Variants in NTM observed in about 807,000 individuals in gnomAD.
NTM encodes the protein IgLON family member 2.
Under a neutral mutation model 42.1 loss-of-function variants are expected in NTM, and 13 were observed. The observed-to-expected ratio is 0.31, with a 90% CI of 0.20 to 0.49. The LOEUF (loss-of-function observed/expected upper bound fraction) is 0.49. NTM is among the 20% of genes least tolerant of loss of function. The pLI is 0.99. For missense variants in NTM, 373 were observed against 452.8 expected (o/e 0.82, Z 1.60); for synonymous variants, 187 against 179.2 (o/e 1.04, Z -0.35).
chr11:131,839,889 T>C lies in NTM; in HGVS notation c.83-71675T>C, dbSNP rs116080969. Among the ~76,000 whole-genome samples, 456 of 152,286 alleles carry C rather than the reference T, an allele frequency of 3.0e-3. 1 individual carries two copies. Among genetic ancestry groups the C allele is most frequent in the African/African-American group, 0.01 (431 of 41,534 alleles). The stretch of plus-strand genomic sequence containing the variant: ...TCAGTTTCTAGATGTATTTCCAAGG[T>C]AGAGAGACACATGACTTCCAAAAGT... On this transcript the variant is annotated intron_variant, in intron 1 of 8. Transcript: ENST00000683400.
At chr11:132,292,508 G>T (rs780229495) in intron 4 of NTM, among the ~76,000 whole-genome samples, 8 of 152,150 alleles carry the variant, frequency 5.3e-5, no homozygotes, top group Non-Finnish European at 1.0e-4. Flanking sequence ...GGAAGAGCAT[G>T]AAGAAGGGGA....
Position 132,146,146 on chromosome 11 carries a change from C to T in NTM, c.168-136C>T. 1 of 1,384,398 alleles carries T rather than the reference C, an allele frequency of 7.2e-7. No homozygotes were observed. Among genetic ancestry groups the T allele is most frequent in the East Asian group, 2.5e-5 (1 of 39,822 alleles). 85.8% of individuals were successfully genotyped at this position (1,384,398 alleles called of 1,614,324 possible). ...TGCTGTGTTCCAGAAAAGTCCACCC[C>T]TGACAAATCAAAGGAAATGTATGTG... On this transcript the variant is annotated intron_variant, in intron 2 of 8. Transcript: ENST00000683400. The surrounding 1 kb of genome is among the most constrained non-coding windows in gnomAD (Gnocchi z 4.5).
At chr11:131,954,957 A>T (rs1358775871) in intron 2 of NTM, among the ~76,000 whole-genome samples, 1 of 152,214 alleles carries the variant, frequency 6.6e-6, no homozygotes, top group South Asian at 2.1e-4. Context: ...AGTAATGCTC[A>T]GTGGTGAGAG....
chr11:131,666,421 A>C (rs1347269551), intron 1 of NTM, among the ~76,000 whole-genome samples: 2 of 152,194 alleles, frequency 1.3e-5, no homozygotes, highest in East Asian at 3.9e-4. Context: ...TTCACTGAGG[A>C]GGAGATCATT....
chr11:132,018,231 C>A (rs2135492718), intron 2 of NTM, among the ~76,000 whole-genome samples: 1 of 151,734 alleles, frequency 6.6e-6, no homozygotes, highest in East Asian at 1.9e-4. Flanking sequence ...TTCCTTTTGT[C>A]CCATATTGCA....
chr11:131,463,736 A>C (rs1347377129), intron 1 of NTM, among the ~76,000 whole-genome samples: 1 of 152,152 alleles, frequency 6.6e-6, no homozygotes, highest in Non-Finnish European at 1.5e-5. Flanking sequence ...TTCATTGCTG[A>C]AATAGTCCAT....
chr11:132,088,305 C>A (rs983515887), intron 2 of NTM, among the ~76,000 whole-genome samples: 1 of 152,088 alleles, frequency 6.6e-6, no homozygotes, highest in Admixed American at 6.6e-5. Flanking sequence ...TGAGAAAGCT[C>A]AGAAATGAAA....
chr11:131,444,203 CAAAAA>C (rs71475757), intron 1 of NTM, among the ~76,000 whole-genome samples: 580 of 49,552 alleles, frequency 0.012, 6 homozygotes, highest in African/African-American at 0.042. Flanking sequence ...AGGTTAGAAC[CAAAAA>C]AAAAAAAAAA....
chr11:131,765,727 C>T (rs1311650543), intron 1 of NTM, among the ~76,000 whole-genome samples: 3 of 152,212 alleles, frequency 2.0e-5, no homozygotes, highest in Non-Finnish European at 4.4e-5. Context: ...CCATCCACAG[C>T]TCAGCACCTG....
At chr11:131,383,029 T>C (rs1472680415) in intron 1 of NTM, among the ~76,000 whole-genome samples, 1 of 152,228 alleles carries the variant, frequency 6.6e-6, no homozygotes, top group Admixed American at 6.5e-5. Flanking sequence ...TGATCTTCTC[T>C]AAATGATCTT....
intron 1 of NTM, among the ~76,000 whole-genome samples, chr11:131,895,380 C>T (rs1287865116): frequency 2.6e-5 from 4 of 152,102 alleles, no homozygotes; most frequent in African/African-American, 7.2e-5. Context: ...TTTACAGCTT[C>T]GTTTTCTCAT....
At chr11:131,702,217 A>G (rs1250809626) in intron 1 of NTM, among the ~76,000 whole-genome samples, 3 of 152,168 alleles carry the variant, frequency 2.0e-5, no homozygotes, top group Non-Finnish European at 4.4e-5. Context: ...GGAACTCCTG[A>G]TCTATCAGGG....
intron 1 of NTM, among the ~76,000 whole-genome samples, chr11:131,405,430 CA>C (rs35188711): frequency 0.56 from 85,071 of 151,952 alleles, 25,190 homozygotes; most frequent in East Asian, 0.86. Flanking sequence ...ACTTATTGCC[CA>C]AACCAAAACC....
chr11:131,797,682 C>G (rs187406637), intron 1 of NTM, among the ~76,000 whole-genome samples: 2 of 152,204 alleles, frequency 1.3e-5, no homozygotes, highest in Non-Finnish European at 2.9e-5. Flanking sequence ...ACCAACGTAA[C>G]TCCCAGGTGT....
chr11:131,601,242 G>T (rs955659698), intron 1 of NTM, among the ~76,000 whole-genome samples: 5 of 152,178 alleles, frequency 3.3e-5, no homozygotes, highest in African/African-American at 4.8e-5. Context: ...TGGCAGCGAG[G>T]TCACCCCAGC....
At chr11:132,270,140 A>C (rs1194311042) in intron 4 of NTM, among the ~76,000 whole-genome samples, 2 of 152,144 alleles carry the variant, frequency 1.3e-5, no homozygotes, top group African/African-American at 4.8e-5. Context: ...CTTTAGAGTA[A>C]GGCTTCTTCA....
At chr11:131,915,180 CA>C (rs2056086797) in intron 2 of NTM, among the ~76,000 whole-genome samples, 1 of 152,200 alleles carries the variant, frequency 6.6e-6, no homozygotes, top group Non-Finnish European at 1.5e-5. Flanking sequence ...TACCTGAAAT[CA>C]CATAAGCAGC....
At chr11:131,388,425 T>G (rs1182083056) in intron 1 of NTM, among the ~76,000 whole-genome samples, 3 of 110,362 alleles carry the variant, frequency 2.7e-5, no homozygotes, top group Non-Finnish European at 5.7e-5. Context: ...GGGTTTTGGG[T>G]TTTTTTTTTT....
At chr11:131,577,452 C>T (rs1196186906) in intron 1 of NTM, among the ~76,000 whole-genome samples, 4 of 152,092 alleles carry the variant, frequency 2.6e-5, no homozygotes, top group Non-Finnish European at 4.4e-5. Context: ...AGTGAGTGTC[C>T]CAAGAACCAG....
Sources: gnomAD v4.1 joint callset for allele counts (sites outside exome capture counted in the v4.1 genomes callset) on GRCh38, gnomAD v4.1.1 for gene constraint, Gnocchi (gnomAD v3.1) non-coding constraint, MANE v1.5 for transcripts, NCBI Gene and HGNC (gene_info 2026-07-23, HGNC 2026-07-21) for gene names.